LACTB: variants seen among roughly 807,000 people sequenced by gnomAD.
The protein encoded by LACTB is lactamase beta.
Under a neutral mutation model 50.2 loss-of-function variants are expected in LACTB, and 35 were observed. The observed-to-expected ratio is 0.70, with a 90% CI of 0.53 to 0.92. LACTB has a LOEUF of 0.92. Among genes scored for constraint, LACTB ranks in the 40% least tolerant of loss-of-function variants. LACTB has a pLI of 0.00. For missense variants in LACTB, 664 were observed against 691.8 expected, an observed-to-expected ratio of 0.96 and a Z score of 0.45; for synonymous variants, 252 against 268.2, an observed-to-expected ratio of 0.94 and a Z score of 0.59.
chr15:63,129,176 T>G (rs1367723856), intron 4 of LACTB, among the ~76,000 whole-genome samples: 1 of 152,372 alleles, frequency 6.6e-6, no homozygotes, highest in South Asian at 2.1e-4. Flanking sequence ...TTGTTGTCAC[T>G]TTGAAATATT....
chr15:63,127,830 C>G (rs2037074678), intron 4 of LACTB, 141 bp downstream of exon 4: 1 of 582,906 alleles, frequency 1.7e-6, no homozygotes, highest in Non-Finnish European at 2.9e-6. Context: ...GCGTTTTTGT[C>G]TGTAGTTTCT....
At chr15:63,122,767 T>A (rs1313244167) in intron 2 of LACTB, 65 bp downstream of exon 2, 1 of 1,101,762 alleles carries the variant, frequency 9.1e-7, no homozygotes, top group Non-Finnish European at 1.4e-6. Flanking sequence ...TTTTACTGGT[T>A]AGAGTGGATC....
At position 63,126,851 on chromosome 15, in the gene LACTB, C is replaced by T. The variant is rs372359808; in HGVS notation, c.425-8C>T. 6.1e-6 allele frequency: 9 copies of T among 1,474,216 alleles called. No homozygotes were observed. The highest frequency in any genetic ancestry group is 4.5e-5 in the Admixed American group (2 of 44,246). The allele number at this position is 1,474,216 out of a possible 1,614,324, so 91.3% of individuals were successfully genotyped here. On this transcript the variant is annotated splice_region_variant and splice_polypyrimidine_tract_variant and intron_variant, in intron 2 of 5. Coordinates refer to ENST00000261893, the MANE Select transcript of LACTB (RefSeq NM_032857.5). ...TTAATAGTGACTTTTTGCTTTTTTCCCCCAAAGGTTTAGGTTATGCTGATG... is the reference window on the plus strand; with the variant it reads ...TTAATAGTGACTTTTTGCTTTTTTCTCCCAAAGGTTTAGGTTATGCTGATG...
chr15:63,139,194 C>CAAAAAAAA (rs57605763), intron 5 of LACTB, among the ~76,000 whole-genome samples: 13 of 17,156 alleles, frequency 7.6e-4, no homozygotes, highest in African/African-American at 1.3e-3. Flanking sequence ...ACTAAAAATC[C>CAAAAAAAA]AAAAAAAAAA....
intron 5 of LACTB, among the ~76,000 whole-genome samples, chr15:63,137,074 T>C (rs1053548996): frequency 6.6e-6 from 1 of 152,224 alleles, no homozygotes; most frequent in Non-Finnish European, 1.5e-5. Context: ...CACTTAGCTG[T>C]AAGGGAGGCA....
At chr15:63,139,405 C>A (rs1304325034) in intron 5 of LACTB, among the ~76,000 whole-genome samples, 1 of 151,970 alleles carries the variant, frequency 6.6e-6, no homozygotes, top group African/African-American at 2.4e-5. Context: ...ATAATCCCAA[C>A]ACTTTGAGAG....
At chr15:63,123,624 G>A (rs2141067353) in intron 2 of LACTB, among the ~76,000 whole-genome samples, 1 of 152,332 alleles carries the variant, frequency 6.6e-6, no homozygotes, top group East Asian at 1.9e-4. Flanking sequence ...CAAAGCAAAA[G>A]GGGCAGGGTA....
chr15:63,124,055 G>A (rs906831888), intron 2 of LACTB, among the ~76,000 whole-genome samples: 1 of 152,112 alleles, frequency 6.6e-6, no homozygotes, highest in African/African-American at 2.4e-5. Flanking sequence ...GACGCTCTTC[G>A]CTACCGCTAG....
intron 5 of LACTB, among the ~76,000 whole-genome samples, chr15:63,139,632 G>A (rs537606490): frequency 1.5e-4 from 23 of 151,946 alleles, no homozygotes; most frequent in African/African-American, 5.6e-4. Flanking sequence ...CAGCCTAGGC[G>A]ATAAGAGTGA....
Position 63,127,545 on chromosome 15 carries a change from G to A in LACTB, c.808G>A (p.Glu270Lys). 1 of 1,613,932 alleles carries A rather than the reference G, an allele frequency of 6.2e-7. No homozygotes were observed. Among genetic ancestry groups the A allele is most frequent in the South Asian group, 1.1e-5 (1 of 91,044 alleles). ...NDFTKFKTEQENEAKCRNSKP... is the reference protein window; with the variant it reads ...NDFTKFKTEQKNEAKCRNSKP... ...TTTTACTAAATTTAAAACAGAGCAG[G>A]AGAATGAAGCCAAATGCCGGAATTC... The change falls in exon 4 of 6, where the codon GAG becomes AAG. Residue 270 changes from glutamate (E) to lysine (K), a missense_variant. Physicochemically the swap from Glu to Lys is moderately conservative, Grantham distance 56. Coordinates refer to ENST00000261893, the MANE Select transcript of LACTB (RefSeq NM_032857.5).
At position 63,127,406 on chromosome 15, in the gene LACTB, T is replaced by A; in HGVS notation, c.669T>A (p.Tyr223Ter). The A allele has an allele frequency of 6.3e-7, 1 of 1,590,156 alleles. No individual in the cohort carries two copies. Among genetic ancestry groups the A allele is most frequent in the Non-Finnish European group, 8.5e-7 (1 of 1,173,018 alleles). Residue 223 changes from tyrosine to a stop codon, truncating the protein, a stop_gained, in exon 4 of 6, where the codon TAT becomes TAA. Coordinates refer to ENST00000261893, the MANE Select transcript of LACTB (RefSeq NM_032857.5). LOFTEE classifies it high-confidence loss of function. ...CCCATTTAAGTGGAATTCGTCATTA[T>A]GAAAAGGACATAAAAAAGGTGAAAG... Reference protein sequence around the residue: ...LISHLSGIRHYEKDIKKVKEE... With the variant: ...LISHLSGIRH
At chr15:63,128,240 A>G (rs1436034273) in intron 4 of LACTB, among the ~76,000 whole-genome samples, 1 of 152,234 alleles carries the variant, frequency 6.6e-6, no homozygotes, top group Admixed American at 6.5e-5. Flanking sequence ...TTAGTTGAAT[A>G]GATATTTTAT....
intron 2 of LACTB, among the ~76,000 whole-genome samples, chr15:63,126,193 G>A (rs1238413938): frequency 6.6e-6 from 1 of 152,218 alleles, no homozygotes; most frequent in Non-Finnish European, 1.5e-5. Context: ...CCTGGCTGGA[G>A]TGCAGTGGCG....
At chr15:63,126,034 G>C (rs1009392447) in intron 2 of LACTB, 5 of 151,944 alleles carry the variant, frequency 3.3e-5, no homozygotes, top group Non-Finnish European at 7.4e-5. Flanking sequence ...TGAGAACATG[G>C]AAACCAAATT....
At chr15:63,124,768 C>T (rs535271262) in intron 2 of LACTB, among the ~76,000 whole-genome samples, 1 of 151,992 alleles carries the variant, frequency 6.6e-6, no homozygotes, top group African/African-American at 2.4e-5. Context: ...GCCTGGACAA[C>T]GTGGCAAAAC....
In LACTB at chr15:63,127,643, T is replaced by C. The variant is rs1566990645; in HGVS notation, c.906T>C (p.Ile302=). The C allele has an allele frequency of 9.9e-6, 16 of 1,608,214 alleles. No individual in the cohort carries two copies. The highest frequency in any genetic ancestry group is 1.7e-5 in the Admixed American group (1 of 59,654). The change falls in exon 4 of 6, where the codon ATT becomes ATC. Residue 302 remains isoleucine, a synonymous_variant. Coordinates refer to ENST00000261893, the MANE Select transcript of LACTB (RefSeq NM_032857.5). ...LYLREKFENS[I]ESLRLFKNDP... ...TGAGAGAAAAGTTTGAAAATTCAAT[T>C]GAATCCCTAAGATTATTTAAAAATG...
At chr15:63,123,102 A>T (rs2036999910) in intron 2 of LACTB, among the ~76,000 whole-genome samples, 2 of 152,244 alleles carry the variant, frequency 1.3e-5, no homozygotes, top group Admixed American at 1.3e-4. Context: ...TAAATCAGGC[A>T]TAGTAAGAGA....
At chr15:63,139,793 G>T (rs1445074079) in intron 5 of LACTB, among the ~76,000 whole-genome samples, 6 of 151,892 alleles carry the variant, frequency 4.0e-5, no homozygotes, top group African/African-American at 1.5e-4. Context: ...TCAAAAAAAA[G>T]AAGTTACAGA....
Position 63,121,889 on chromosome 15 carries a change from A to C in LACTB, c.18A>C (p.Ser6=), listed in dbSNP as rs1399310410. Residue 6 remains serine (S), a synonymous_variant, in exon 1 of 6, where the codon TCA becomes TCC. Coordinates refer to ENST00000261893, the MANE Select transcript of LACTB (RefSeq NM_032857.5). ...GAGACGCCATGTACCGGCTCATGTCAGCAGTGACTGCCCGGGCTGCCGCCC... is the reference window on the plus strand; with the variant it reads ...GAGACGCCATGTACCGGCTCATGTCCGCAGTGACTGCCCGGGCTGCCGCCC... The part of the protein sequence containing the change: MYRLM[S]AVTARAAAPG... 4.9e-6 allele frequency: 7 copies of C among 1,416,114 alleles called. No homozygotes were observed. Among genetic ancestry groups the C allele is most frequent in the South Asian group, 4.8e-5 (3 of 62,908 alleles). The allele number at this position is 1,416,114 out of a possible 1,614,324, so 87.7% of individuals were successfully genotyped here.
Sources: allele counts gnomAD v4.1 joint callset (sites outside exome capture counted in the v4.1 genomes callset), GRCh38; gene constraint gnomAD v4.1.1; transcripts MANE v1.5; gene names NCBI Gene and HGNC (gene_info 2026-07-23, HGNC 2026-07-21).